Variants in TRAM2 observed in about 807,000 individuals in gnomAD.
The protein encoded by TRAM2 is translocation associated membrane protein 2.
In TRAM2, 12 loss-of-function variants were observed where a neutral mutation model predicts 51.0. That is an observed-to-expected ratio of 0.24 (90% confidence interval 0.15 to 0.38). The LOEUF is 0.38. Ranked by LOEUF, TRAM2 falls within the 10% of genes least tolerant of loss-of-function variation. The probability of loss-of-function intolerance (pLI) is 1.00; values close to 1 mark genes in which losing one functional copy is unlikely to be tolerated. For synonymous variants in TRAM2, 175 were observed against 179.4 expected, an observed-to-expected ratio of 0.98 and a Z score of 0.20; for missense variants, 361 against 462.0, an observed-to-expected ratio of 0.78 and a Z score of 2.00.
In TRAM2 at chr6:52,500,923, A is replaced by G. The variant is rs1275868129; in HGVS notation, c.*2274T>C. The G allele has an allele frequency of 1.3e-5, 2 of 152,242 alleles. No homozygotes were observed. The highest frequency in any genetic ancestry group is 6.5e-5 in the Admixed American group (1 of 15,284). The allele number at this position is 152,242 out of a possible 1,614,324, so 9.4% of individuals were successfully genotyped here. A position where few individuals can be genotyped will look rare whatever the true frequency, so the allele number is the denominator to read the frequency against. ...GCCTCCTGCATGTGAAGCCCTGCCA[A>G]TGACACAGCCTGGAGAGCACCTAGG... is the stretch of plus-strand genomic sequence containing the variant. On this transcript the variant is annotated 3_prime_UTR_variant, in exon 11 of 11. Coordinates refer to ENST00000182527, the MANE Select transcript of TRAM2 (RefSeq NM_012288.4).
chr6:52,576,999 C>T lies in TRAM2; in HGVS notation c.-84G>A, dbSNP rs1767782138. The T allele has an allele frequency of 3.0e-6, 4 of 1,320,902 alleles. No individual in the cohort carries two copies. The highest frequency in any genetic ancestry group is 3.8e-6 in the Non-Finnish European group (4 of 1,040,208). The allele number at this position is 1,320,902 out of a possible 1,614,324, so 81.8% of individuals were successfully genotyped here. On this transcript the variant is annotated 5_prime_UTR_variant, in exon 1 of 11. Coordinates refer to ENST00000182527, the MANE Select transcript of TRAM2 (RefSeq NM_012288.4). The stretch of plus-strand genomic sequence containing the variant: ...AAACTTCTCCAGCACCGGCCCGGTC[C>T]GCCCGCCGGCCCGCCGCCCGCTCTC...
Position 52,577,057 on chromosome 6 carries a change from CTT to C in TRAM2, c.-144_-143del. Reference sequence around the variant, plus strand: ...CGCTCGCCCGCCCAGCGCGGAACAACTTCGGGGCCCGCCCCCTTCCTCCGCCC... The same window carrying C: ...CGCTCGCCCGCCCAGCGCGGAACAACCGGGGCCCGCCCCCTTCCTCCGCCC... On this transcript the variant is annotated 5_prime_UTR_variant, in exon 1 of 11. Coordinates refer to ENST00000182527, the MANE Select transcript of TRAM2 (RefSeq NM_012288.4). 2.1e-6 allele frequency: 2 copies of C among 963,318 alleles called. No individual in the cohort carries two copies. The highest frequency in any genetic ancestry group is 2.6e-6 in the Non-Finnish European group (2 of 774,804). The allele number at this position is 963,318 out of a possible 1,614,324, so 59.7% of individuals were successfully genotyped here. A position where few individuals can be genotyped will look rare whatever the true frequency, so the allele number is the denominator to read the frequency against.
chr6:52,503,984 A>G (rs888402975), intron 10 of TRAM2, among the ~76,000 whole-genome samples: 7 of 152,160 alleles, frequency 4.6e-5, no homozygotes, highest in African/African-American at 1.7e-4. Flanking sequence ...GGTGAGTCAG[A>G]AAGCAGCGCC....
At chr6:52,555,543 T>C (rs1481329428) in intron 1 of TRAM2, among the ~76,000 whole-genome samples, 2 of 152,152 alleles carry the variant, frequency 1.3e-5, no homozygotes, top group African/African-American at 4.8e-5. Context: ...TCTATAAAAA[T>C]AAAACACATC....
chr6:52,539,061 G>T (rs1194689720), intron 1 of TRAM2, among the ~76,000 whole-genome samples: 1 of 152,182 alleles, frequency 6.6e-6, no homozygotes, highest in Non-Finnish European at 1.5e-5. Flanking sequence ...CATAACTCAT[G>T]CCAGAATAAA....
At chr6:52,573,564 G>GC (rs1767715470) in intron 1 of TRAM2, among the ~76,000 whole-genome samples, 5 of 152,148 alleles carry the variant, frequency 3.3e-5, no homozygotes, top group Admixed American at 2.0e-4. Context: ...GGGAAAAGCT[G>GC]CCCCCTGCCT....
chr6:52,553,964 G>A (rs1215723055), intron 1 of TRAM2, among the ~76,000 whole-genome samples: 4 of 151,920 alleles, frequency 2.6e-5, no homozygotes, highest in Admixed American at 2.0e-4. Flanking sequence ...TAACAAATAC[G>A]TGCTGATAAG....
chr6:52,521,565 C>G (rs561161443), intron 2 of TRAM2, among the ~76,000 whole-genome samples: 1 of 151,674 alleles, frequency 6.6e-6, no homozygotes, highest in Non-Finnish European at 1.5e-5. Flanking sequence ...GGCGTGGTGG[C>G]GGGCACCTGT....
At chr6:52,544,822 A>G (rs9474243) in intron 1 of TRAM2, among the ~76,000 whole-genome samples, 133,131 of 152,168 alleles carry the variant, frequency 0.87, 58,303 homozygotes, top group East Asian at 0.96. Flanking sequence ...AAGAGTTCCC[A>G]GGAAAATGTG....
intron 1 of TRAM2, among the ~76,000 whole-genome samples, chr6:52,564,812 A>C (rs911948093): frequency 5.3e-5 from 8 of 152,156 alleles, no homozygotes; most frequent in African/African-American, 1.7e-4. Context: ...AGAGGTGGGG[A>C]GAAAGGAAGA....
intron 1 of TRAM2, among the ~76,000 whole-genome samples, chr6:52,550,792 T>TCCACCTGCCTTGGCCTC (rs67646646): frequency 6.6e-6 from 1 of 151,876 alleles, no homozygotes; most frequent in African/African-American, 2.4e-5. Context: ...CCTCAAGAGA[T>TCCACCTGCCTTGGCCTC]CCACCTGCCT....
intron 2 of TRAM2, among the ~76,000 whole-genome samples, chr6:52,532,026 C>T (rs958058449): frequency 2.0e-5 from 3 of 152,184 alleles, no homozygotes; most frequent in Non-Finnish European, 4.4e-5. Flanking sequence ...ACCCCCACTC[C>T]GCCTTACTCA....
At chr6:52,572,460 AG>A (rs1416355667) in intron 1 of TRAM2, among the ~76,000 whole-genome samples, 5 of 152,140 alleles carry the variant, frequency 3.3e-5, no homozygotes, top group Non-Finnish European at 7.4e-5. Context: ...AAAAATTAGC[AG>A]GGTGTGTGGC....
chr6:52,541,941 C>T (rs1369136982), intron 1 of TRAM2, among the ~76,000 whole-genome samples: 3 of 151,904 alleles, frequency 2.0e-5, no homozygotes, highest in African/African-American at 7.3e-5. Flanking sequence ...ACTTCTGTCC[C>T]ACGGACACCA....
intron 2 of TRAM2, among the ~76,000 whole-genome samples, chr6:52,527,240 T>TGGTGGCGGGCGC (rs1766798315): frequency 1.3e-5 from 2 of 151,370 alleles, no homozygotes; most frequent in South Asian, 4.2e-4. Flanking sequence ...TAGCCGGGCG[T>TGGTGGCGGGCGC]GGTGGCGGGC....
intron 1 of TRAM2, among the ~76,000 whole-genome samples, chr6:52,555,830 T>C (rs754335307): frequency 2.0e-5 from 3 of 152,198 alleles, no homozygotes; most frequent in Non-Finnish European, 4.4e-5. Context: ...AAAATCATAG[T>C]GTCCAGGCAC....
Position 52,537,542 on chromosome 6 carries a change from G to T in TRAM2, c.121-1696C>A, listed in dbSNP as rs116031624. Among the ~76,000 whole-genome samples the T allele has an allele frequency of 9.1e-3, 1,388 of 152,120 alleles. 24 individuals carry two copies. The highest frequency in any genetic ancestry group is 0.031 in the African/African-American group (1,306 of 41,466). On this transcript the variant is annotated intron_variant, in intron 1 of 10. Transcript: ENST00000182527. ...CATCCCTTCATGACCCACCTCAATT[G>T]TAACCTCTGTGAAGCCATTCCCAGC...
In TRAM2 at chr6:52,506,142, G is replaced by T; in HGVS notation, c.627-6C>A. On this transcript the variant is annotated splice_region_variant and splice_polypyrimidine_tract_variant and intron_variant, in intron 7 of 10. Coordinates refer to ENST00000182527, the MANE Select transcript of TRAM2 (RefSeq NM_012288.4). ...TCAGGCCCAGGCGGCTCAGGCTGGG[G>T]GTGGGGAAGACTAGACTTACATTCC... 6.2e-7 allele frequency: 1 copy of T among 1,612,478 alleles called. No individual in the cohort carries two copies. The highest frequency in any genetic ancestry group is 2.2e-5 in the East Asian group (1 of 44,874).
At chr6:52,508,194 A>G (rs1331689711) in intron 6 of TRAM2, 40 bp downstream of exon 6, 4 of 1,593,794 alleles carry the variant, frequency 2.5e-6, no homozygotes, top group South Asian at 2.2e-5. Context: ...GGGAGTGGTC[A>G]ATGAATGGCC....
Sources: gnomAD v4.1 joint callset for allele counts (sites outside exome capture counted in the v4.1 genomes callset) on GRCh38, gnomAD v4.1.1 for gene constraint, MANE v1.5 for transcripts, NCBI Gene and HGNC (gene_info 2026-07-23, HGNC 2026-07-21) for gene names.